The following SLC39A14 variants were observed in gnomAD, a reference collection of about 807,000 sequenced individuals.
SLC39A14 encodes the protein solute carrier family 39 member 14, also known as metal cation symporter ZIP14.
Under a neutral mutation model 45.5 loss-of-function variants are expected in SLC39A14, and 19 were observed. The ratio of observed to expected loss-of-function variants is 0.42; its 90% CI spans 0.29 to 0.61. SLC39A14 has a LOEUF of 0.61. Among genes scored for constraint, SLC39A14 ranks in the 20% least tolerant of loss-of-function variants. SLC39A14 has a pLI of 0.22. For synonymous variants in SLC39A14, 264 were observed against 251.3 expected (o/e 1.05, Z -0.48); for missense variants, 447 against 616.5 (o/e 0.73, Z 2.91).
intron 1 of SLC39A14, among the ~76,000 whole-genome samples, chr8:22,388,317 G>T (rs1048286297): frequency 6.6e-6 from 1 of 152,162 alleles, no homozygotes; most frequent in African/African-American, 2.4e-5. Flanking sequence ...TGGGGTGCGT[G>T]CAAACCACTG....
At chr8:22,375,702 C>A (rs1189847768) in intron 1 of SLC39A14, among the ~76,000 whole-genome samples, 3 of 152,106 alleles carry the variant, frequency 2.0e-5, no homozygotes, top group Non-Finnish European at 4.4e-5. Context: ...GTTGGCCAGA[C>A]TGATCTCAAA....
chr8:22,368,681 C>T (rs1449296371), intron 1 of SLC39A14, among the ~76,000 whole-genome samples: 1 of 152,044 alleles, frequency 6.6e-6, no homozygotes, highest in African/African-American at 2.4e-5. Context: ...GGACTACAGG[C>T]GCGTGCCACC....
chr8:22,412,185 C>T lies in SLC39A14; in HGVS notation c.606C>T (p.Ala202=). The T allele has an allele frequency of 6.4e-7, 1 of 1,551,706 alleles. No individual in the cohort carries two copies. Reference sequence around the variant, plus strand: ...CGATTGGAACCCTCTACTCCAACGCCCTCTTCCAGCTCATCCCGGAGGTAT... The same window carrying T: ...CGATTGGAACCCTCTACTCCAACGCTCTCTTCCAGCTCATCCCGGAGGTAT... ...ALAIGTLYSN[A]LFQLIPEAFG... The change falls in exon 4 of 9, where the codon GCC becomes GCT. Residue 202 remains alanine, a synonymous_variant. Coordinates refer to ENST00000381237, the MANE Select transcript of SLC39A14 (RefSeq NM_001128431.4).
intron 8 of SLC39A14, 59 bp from the exon 9 acceptor site, chr8:22,419,493 C>G (rs1836096960): frequency 6.6e-7 from 1 of 1,525,552 alleles, no homozygotes; most frequent in South Asian, 1.2e-5. Flanking sequence ...ACTGAATTGC[C>G]CTGGACTTAC....
intron 1 of SLC39A14, among the ~76,000 whole-genome samples, chr8:22,383,298 G>T (rs1833613806): frequency 6.6e-6 from 1 of 152,052 alleles, no homozygotes; most frequent in African/African-American, 2.4e-5. Context: ...GTTCCCTGCT[G>T]GGGAACAAGG....
chr8:22,394,513 G>A (rs939623832), intron 1 of SLC39A14, among the ~76,000 whole-genome samples: 3 of 151,442 alleles, frequency 2.0e-5, no homozygotes, highest in African/African-American at 7.3e-5. Flanking sequence ...TAGAGACGGG[G>A]TTTCATCGTG....
At chr8:22,383,310 T>C (rs1047487495) in intron 1 of SLC39A14, among the ~76,000 whole-genome samples, 5 of 152,006 alleles carry the variant, frequency 3.3e-5, no homozygotes, top group African/African-American at 1.2e-4. Flanking sequence ...GGAACAAGGA[T>C]CCAGGAGAGG....
At chr8:22,432,505 G>A (rs1335003869) in intron 8 of SLC39A14, among the ~76,000 whole-genome samples, 2 of 148,928 alleles carry the variant, frequency 1.3e-5, no homozygotes, top group African/African-American at 5.0e-5. Flanking sequence ...TTAGAACAGG[G>A]TCTTGCTCTG....
downstream of SLC39A14, among the ~76,000 whole-genome samples, chr8:22,427,090 T>C (rs10094420): frequency 0.52 from 78,391 of 151,406 alleles, 22,931 homozygotes; most frequent in African/African-American, 0.8. Flanking sequence ...GTCGGGAGTT[T>C]GAGACCAGCC....
chr8:22,369,060 T>G (rs540722810), intron 1 of SLC39A14, among the ~76,000 whole-genome samples: 1 of 152,204 alleles, frequency 6.6e-6, no homozygotes, highest in South Asian at 2.1e-4. Context: ...CTTTTCCTGG[T>G]GGAGGCTCAG....
intron 1 of SLC39A14, among the ~76,000 whole-genome samples, chr8:22,403,585 T>C (rs1253208301): frequency 1.3e-5 from 2 of 151,752 alleles, no homozygotes; most frequent in Non-Finnish European, 2.9e-5. Context: ...GGCCGATGTT[T>C]ATTTTTTAAT....
intron 1 of SLC39A14, among the ~76,000 whole-genome samples, chr8:22,388,219 G>T (rs1833887407): frequency 6.6e-6 from 1 of 152,222 alleles, no homozygotes; most frequent in South Asian, 2.1e-4. Flanking sequence ...GGTGCTGGAG[G>T]ATTGGGGTGG....
intron 1 of SLC39A14, among the ~76,000 whole-genome samples, chr8:22,370,592 A>G (rs994620137): frequency 6.6e-6 from 1 of 152,198 alleles, no homozygotes; most frequent in African/African-American, 2.4e-5. Flanking sequence ...CCAGTGGCCA[A>G]GAGACTTGAT....
rs112568651 is a variant in SLC39A14 at position 22,404,734 on chromosome 8, G to C, written c.24G>C (p.Pro8=). Residue 8 remains proline (P), a synonymous_variant, in exon 2 of 9, where the codon CCG becomes CCC. Coordinates refer to ENST00000381237, the MANE Select transcript of SLC39A14 (RefSeq NM_001128431.4). MKLLLLH[P]AFQSCLLLTL... ...CCATGAAGCTGCTGCTGCTGCACCCGGCCTTCCAGAGCTGCCTCCTGCTGA... is the reference window on the plus strand; with the variant it reads ...CCATGAAGCTGCTGCTGCTGCACCCCGCCTTCCAGAGCTGCCTCCTGCTGA... 5.0e-6 allele frequency: 8 copies of C among 1,613,484 alleles called. No individual in the cohort carries two copies. Among genetic ancestry groups the C allele is most frequent in the South Asian group, 1.1e-5 (1 of 91,064 alleles).
At chr8:22,415,171 A>T (rs955417622) in intron 5 of SLC39A14, 5 of 401,610 alleles carry the variant, frequency 1.2e-5, no homozygotes, top group African/African-American at 1.1e-4. Flanking sequence ...TTTCCTTAAT[A>T]TATTTGTATC....
intron 1 of SLC39A14, among the ~76,000 whole-genome samples, chr8:22,395,817 C>T (rs1299303386): frequency 2.6e-5 from 4 of 152,148 alleles, no homozygotes; most frequent in African/African-American, 2.4e-5. Context: ...GTTTCTTTTC[C>T]TCTTCCTCAT....
chr8:22,412,322 A>G, intron 4 of SLC39A14, 116 bp downstream of exon 4: 2 of 1,125,042 alleles, frequency 1.8e-6, no homozygotes, highest in Non-Finnish European at 2.5e-6. Context: ...TTGGAAAGCG[A>G]AGCTAGAACT....
chr8:22,418,840 T>C (rs1836046504), intron 8 of SLC39A14, among the ~76,000 whole-genome samples: 2 of 152,206 alleles, frequency 1.3e-5, no homozygotes, highest in South Asian at 4.2e-4. Flanking sequence ...GTTAATAATA[T>C]CTTGATAACA....
intron 1 of SLC39A14, chr8:22,398,312 G>T (rs914437692): frequency 1.3e-5 from 2 of 152,304 alleles, no homozygotes; most frequent in Admixed American, 6.5e-5. Context: ...CTGACCCCGC[G>T]TAAGAGCCCC....
Sources: gnomAD v4.1 joint callset for allele counts (sites outside exome capture counted in the v4.1 genomes callset) on GRCh38, gnomAD v4.1.1 for gene constraint, MANE v1.5 for transcripts, NCBI Gene and HGNC (gene_info 2026-07-23, HGNC 2026-07-21) for gene names.